SLC12A4: variants seen among roughly 807,000 people sequenced by gnomAD.
SLC12A4 encodes electroneutral potassium-chloride cotransporter 1.
Under a neutral mutation model 119.2 loss-of-function variants are expected in SLC12A4, and 84 were observed. That is an observed-to-expected ratio of 0.70 (90% CI 0.59 to 0.85). The LOEUF (loss-of-function observed/expected upper bound fraction) is 0.85. Among genes scored for constraint, SLC12A4 ranks in the 40% least tolerant of loss-of-function variants. SLC12A4 has a pLI of 0.00. For missense variants in SLC12A4, 1,298 were observed against 1,476.3 expected, an observed-to-expected ratio of 0.88 and a Z score of 1.98; for synonymous variants, 599 against 604.6, an observed-to-expected ratio of 0.99 and a Z score of 0.14.
chr16:67,950,905 A>G lies in SLC12A4; in HGVS notation c.1396+57T>C, dbSNP rs900385052. 3 of 1,576,610 alleles carry G rather than the reference A, an allele frequency of 1.9e-6. No homozygotes were observed. Among genetic ancestry groups the G allele is most frequent in the Admixed American group, 1.7e-5 (1 of 59,518 alleles). On this transcript the variant is annotated intron_variant, in intron 10 of 23. Transcript: ENST00000316341. The surrounding 1 kb of genome is among the most constrained non-coding windows in gnomAD (Gnocchi z 4.3). ...CTGTGCATGTGACCTGGCAACGTAC[A>G]CAGGCCAAGCGCTTCCCGTCCTCTG...
At chr16:67,963,921 T>C (rs1257178131) in intron 1 of SLC12A4, 2 of 1,551,190 alleles carry the variant, frequency 1.3e-6, no homozygotes, top group Non-Finnish European at 1.7e-6. Context: ...TCCCGGTCTT[T>C]CCGGAGTACC....
chr16:67,944,475 T>G lies in SLC12A4; in HGVS notation c.*365A>C, dbSNP rs964561065. 2 of 1,246,596 alleles carry G rather than the reference T, an allele frequency of 1.6e-6. No individual in the cohort carries two copies. The highest frequency in any genetic ancestry group is 2.7e-5 in the South Asian group (1 of 37,484). 77.2% of individuals were successfully genotyped at this position (1,246,596 alleles called of 1,614,324 possible). ...GGCTGGACTCCCTCCCTGGCTACCCTTCCCTTCGTCTCTGATGGTGACATC... is the reference window on the plus strand; with the variant it reads ...GGCTGGACTCCCTCCCTGGCTACCCGTCCCTTCGTCTCTGATGGTGACATC... On this transcript the variant is annotated 3_prime_UTR_variant, in exon 24 of 24. Coordinates refer to ENST00000316341, the MANE Select transcript of SLC12A4 (RefSeq NM_005072.5). The surrounding 1 kb of genome is among the most constrained non-coding windows in gnomAD (Gnocchi z 6.6).
At chr16:67,962,155 T>C (rs2030613974) in intron 2 of SLC12A4, 1 of 157,320 alleles carries the variant, frequency 6.4e-6, no homozygotes, top group Admixed American at 6.3e-5. Flanking sequence ...AAAAGAGTGA[T>C]GTCTGGGACA....
intron 5 of SLC12A4, among the ~76,000 whole-genome samples, chr16:67,956,764 T>C (rs929677015): frequency 1.3e-5 from 2 of 151,800 alleles, no homozygotes; most frequent in Non-Finnish European, 1.5e-5. Flanking sequence ...CACGTAAACA[T>C]ATACACATAA....
chr16:67,961,854 C>A, intron 2 of SLC12A4, 148 bp from the exon 3 acceptor site: 1 of 1,031,188 alleles, frequency 9.7e-7, no homozygotes, highest in Non-Finnish European at 1.4e-6. Context: ...CCAAGCCATC[C>A]AACTGGACAG....
At chr16:67,955,057 C>T (rs1334646525) in intron 5 of SLC12A4, among the ~76,000 whole-genome samples, 1 of 152,204 alleles carries the variant, frequency 6.6e-6, no homozygotes, top group East Asian at 1.9e-4. Context: ...GGCCACCATC[C>T]TCCAATGCCC....
At position 67,945,628 on chromosome 16, in the gene SLC12A4, A is replaced by G. The variant is rs531369915; in HGVS notation, c.2848-75T>C. Reference sequence around the variant, plus strand: ...GGGGCCTGTCTGGCCCAATGTGACCACCTTGCCTCCGGGAAATGAGCACTA... The same window carrying G: ...GGGGCCTGTCTGGCCCAATGTGACCGCCTTGCCTCCGGGAAATGAGCACTA... On this transcript the variant is annotated intron_variant, in intron 21 of 23. Transcript: ENST00000316341. 3.2e-6 allele frequency: 5 copies of G among 1,539,062 alleles called. No homozygotes were observed. The South Asian group carries it at 6.0e-5, about 18-fold the overall frequency.
chr16:67,952,321 G>T lies in SLC12A4; in HGVS notation c.780C>A (p.Thr260=). 2 of 1,614,172 alleles carry T rather than the reference G, an allele frequency of 1.2e-6. No individual in the cohort carries two copies. Among genetic ancestry groups the T allele is most frequent in the South Asian group, 1.1e-5 (1 of 91,090 alleles). ...CCACAAACACCACCAGGGTCATGAA[G>T]GTCAGGAAAATGGTCCCATACACAC... ...NMRVYGTIFL[T]FMTLVVFVGV... Residue 260 remains threonine, a synonymous_variant, in exon 7 of 24, where the codon ACC becomes ACA. Transcript: ENST00000316341.
chr16:67,968,504 T>A lies in SLC12A4; in HGVS notation c.50A>T (p.Tyr17Phe), dbSNP rs763989134. 6.3e-7 allele frequency: 1 copy of A among 1,584,772 alleles called. No homozygotes were observed. Among genetic ancestry groups the A allele is most frequent in the African/African-American group, 1.4e-5 (1 of 72,118 alleles). ...VPVDGPRRGD[Y>F]DNLEGLSWVD... ...CCAACTGAGCCCCTCGAGGTTGTCA[T>A]AGTCGCCGCGCCTCGGCCCGTCCAC... is the stretch of plus-strand genomic sequence containing the variant. Residue 17 changes from tyrosine to phenylalanine, a missense_variant, in exon 1 of 24, where the codon TAT (tyrosine) becomes TTT (phenylalanine). Coordinates refer to ENST00000316341, the MANE Select transcript of SLC12A4 (RefSeq NM_005072.5).
chr16:67,950,928 C>G lies in SLC12A4; in HGVS notation c.1396+34G>C. 6.2e-7 allele frequency: 1 copy of G among 1,604,756 alleles called. No individual in the cohort carries two copies. The highest frequency in any genetic ancestry group is 1.1e-5 in the South Asian group (1 of 90,822). ...ACACAGGCCAAGCGCTTCCCGTCCT[C>G]TGCCCCACCTGCCCCAGGCCTGGGA... On this transcript the variant is annotated intron_variant, in intron 10 of 23. Coordinates refer to ENST00000316341, the MANE Select transcript of SLC12A4 (RefSeq NM_005072.5). This position sits in a 1 kb window ranked among gnomAD's most constrained non-coding sequence, Gnocchi z 4.3.
intron 5 of SLC12A4, among the ~76,000 whole-genome samples, chr16:67,956,160 C>T (rs1598222746): frequency 6.6e-6 from 1 of 151,344 alleles, no homozygotes. Flanking sequence ...CTGGGCGACA[C>T]ACTCCGTCTC....
At chr16:67,954,556 G>A in intron 6 of SLC12A4, 87 bp downstream of exon 6, 1 of 1,521,532 alleles carries the variant, frequency 6.6e-7, no homozygotes, top group Non-Finnish European at 9.0e-7. Flanking sequence ...CCAGACATGT[G>A]GGGATGAACA....
chr16:67,965,460 C>G (rs1348273106), intron 1 of SLC12A4, among the ~76,000 whole-genome samples: 4 of 152,224 alleles, frequency 2.6e-5, no homozygotes, highest in African/African-American at 9.6e-5. Context: ...ATCTGTCTCA[C>G]CTGAGTGCTT....
Position 67,958,039 on chromosome 16 carries a change from G to T in SLC12A4, c.348C>A (p.Pro116=), listed in dbSNP as rs1235240353. 3 of 1,613,828 alleles carry T rather than the reference G, an allele frequency of 1.9e-6. No homozygotes were observed. The South Asian group carries it at 3.3e-5, about 18-fold the overall frequency. ...EGTRRRAAEA[P]SMGTLMGVYL... ...ACACCCCCATGAGGGTGCCCATGCT[G>T]GGTGCCTATGCGAACACAAAGGGAG... The change falls in exon 4 of 24, where the codon CCC becomes CCA. Residue 116 remains proline (P), a synonymous_variant. Transcript: ENST00000316341.
rs1414314170 is a variant in SLC12A4 at position 67,947,500 on chromosome 16, C to CGAGGT, written c.1968-70_1968-66dup. On this transcript the variant is annotated intron_variant, in intron 15 of 23. Transcript: ENST00000316341. ...CCAGGGGGTTCTGTCTATGTGGATG[C>CGAGGT]GAGGTGGAGGGGTTCTGCCCCTCAA... 1.1e-5 allele frequency: 17 copies of CGAGGT among 1,540,450 alleles called. No homozygotes were observed. In the East Asian group the frequency reaches 3.5e-4, roughly 32 times the overall value.
Position 67,944,035 on chromosome 16 carries a change from C to T in SLC12A4, c.*805G>A, listed in dbSNP as rs544182517. 1.7e-5 allele frequency: 26 copies of T among 1,547,192 alleles called. No homozygotes were observed. The highest frequency in any genetic ancestry group is 1.1e-4 in the South Asian group (9 of 83,808). On this transcript the variant is annotated 3_prime_UTR_variant, in exon 24 of 24. Coordinates refer to ENST00000316341, the MANE Select transcript of SLC12A4 (RefSeq NM_005072.5). This position sits in a 1 kb window ranked among gnomAD's most constrained non-coding sequence, Gnocchi z 6.6. ...AGCACATTGAGGAGCCAGAAGGGGG[C>T]GGCAGGAGGGAGCAGCAGCCCCAGC...
intron 2 of SLC12A4, among the ~76,000 whole-genome samples, chr16:67,961,937 G>A (rs1476265683): frequency 1.3e-5 from 2 of 152,204 alleles, no homozygotes; most frequent in Non-Finnish European, 2.9e-5. Context: ...ACCCCGCCTT[G>A]GCTACAATCA....
Position 67,951,400 on chromosome 16 carries a change from G to A in SLC12A4, c.1133-96C>T. ...GAGGCGCAGATGCAGGGCAACTTTG[G>A]GGACTCAGGGAACAGCTTCAGCCCA... On this transcript the variant is annotated intron_variant, in intron 8 of 23. Coordinates refer to ENST00000316341, the MANE Select transcript of SLC12A4 (RefSeq NM_005072.5). This position sits in a 1 kb window ranked among gnomAD's most constrained non-coding sequence, Gnocchi z 5.2. 1.4e-6 allele frequency: 2 copies of A among 1,388,172 alleles called. No homozygotes were observed. The highest frequency in any genetic ancestry group is 2.0e-6 in the Non-Finnish European group (2 of 1,020,736). The allele number at this position is 1,388,172 out of a possible 1,614,324, so 86.0% of individuals were successfully genotyped here.
Position 67,968,444 on chromosome 16 carries a change from G to A in SLC12A4, c.110C>T (p.Ser37Leu), listed in dbSNP as rs755683274. ...DYGERAELDD[S>L]DGHGNHRESS... ...CCCTCAGAACGCGCCCTCACCGTCCGAGTCATCCAGCTCGGCGCGCTCCCC... is the reference window on the plus strand; with the variant it reads ...CCCTCAGAACGCGCCCTCACCGTCCAAGTCATCCAGCTCGGCGCGCTCCCC... Residue 37 changes from serine (S) to leucine (L), a missense_variant, in exon 1 of 24, where the codon TCG becomes TTG. Ser to Leu is a moderately radical substitution (Grantham distance 145). Transcript: ENST00000316341. 5 of 1,572,658 alleles carry A rather than the reference G, an allele frequency of 3.2e-6. No homozygotes were observed. Among genetic ancestry groups the A allele is most frequent in the East Asian group, 4.9e-5 (2 of 40,960 alleles).
Sources: gnomAD v4.1 joint callset for allele counts (sites outside exome capture counted in the v4.1 genomes callset) on GRCh38, gnomAD v4.1.1 for gene constraint, Gnocchi (gnomAD v3.1) non-coding constraint, MANE v1.5 for transcripts, NCBI Gene and HGNC (gene_info 2026-07-23, HGNC 2026-07-21) for gene names.